The following CCDC148 variants were observed in gnomAD, a reference collection of about 807,000 sequenced individuals.
CCDC148 encodes coiled-coil domain-containing protein 148.
Under a neutral mutation model 85.7 loss-of-function variants are expected in CCDC148, and 89 were observed. The ratio of observed to expected loss-of-function variants is 1.04; its 90% CI spans 0.87 to 1.24. CCDC148 has a LOEUF of 1.24. CCDC148 is among the 50% of genes most tolerant of loss of function. The pLI, the probability that CCDC148 is intolerant of heterozygous loss-of-function variation, is 0.00. For synonymous variants in CCDC148, 230 were observed against 213.9 expected, an observed-to-expected ratio of 1.08 and a Z score of -0.66; for missense variants, 692 against 671.7, an observed-to-expected ratio of 1.03 and a Z score of -0.33.
chr2:158,308,282 C>A (rs1321755657), intron 9 of CCDC148, among the ~76,000 whole-genome samples: 4 of 152,152 alleles, frequency 2.6e-5, no homozygotes, highest in African/African-American at 9.7e-5. Context: ...ATAATGTGTG[C>A]AAAATGAATA....
At chr2:158,269,191 A>G (rs771102531) in intron 9 of CCDC148, among the ~76,000 whole-genome samples, 29 of 152,140 alleles carry the variant, frequency 1.9e-4, no homozygotes, top group Non-Finnish European at 3.4e-4. Flanking sequence ...ACAGTGTAGA[A>G]GAATTCCTTT....
Position 158,250,865 on chromosome 2 carries a change from C to T in CCDC148, c.1158G>A (p.Met386Ile). The T allele has an allele frequency of 6.2e-7, 1 of 1,608,018 alleles. No individual in the cohort carries two copies. Residue 386 changes from methionine to isoleucine, a missense_variant, in exon 10 of 14, where the codon ATG (methionine) becomes ATA (isoleucine). Transcript: ENST00000283233. ...AHQEEVARLE[M>I]EISARRREKE... The stretch of plus-strand genomic sequence containing the variant: ...TTTCTCTTCTTCTGGCAGAAATTTC[C>T]ATTTCCAGTCTTGCTACCTCTTCTT...
At chr2:158,452,333 TG>T (rs1234156771) in intron 1 of CCDC148, among the ~76,000 whole-genome samples, 3 of 152,086 alleles carry the variant, frequency 2.0e-5, no homozygotes, top group Non-Finnish European at 4.4e-5. Context: ...TCTAGTAAGG[TG>T]TGTTATATGC....
intron 2 of CCDC148, among the ~76,000 whole-genome samples, chr2:158,355,178 A>T (rs1373558761): frequency 6.6e-6 from 1 of 151,886 alleles, no homozygotes; most frequent in Non-Finnish European, 1.5e-5. Flanking sequence ...CAAGACAGGG[A>T]TGCCCTCTCT....
chr2:158,382,787 G>A (rs559220698), intron 1 of CCDC148, among the ~76,000 whole-genome samples: 1 of 151,754 alleles, frequency 6.6e-6, no homozygotes, highest in East Asian at 2.0e-4. Flanking sequence ...TGGGCATGGT[G>A]GCAGACGCCT....
At chr2:158,271,202 T>C (rs1294725783) in intron 9 of CCDC148, among the ~76,000 whole-genome samples, 1 of 152,160 alleles carries the variant, frequency 6.6e-6, no homozygotes, top group Non-Finnish European at 1.5e-5. Context: ...GAGGCTTTTA[T>C]ATATACTTTT....
At chr2:158,317,804 T>C (rs1692347894) in intron 7 of CCDC148, among the ~76,000 whole-genome samples, 1 of 152,210 alleles carries the variant, frequency 6.6e-6, no homozygotes, top group Non-Finnish European at 1.5e-5. Context: ...TGAAAGCTGT[T>C]TTATGTTTTC....
chr2:158,300,239 T>C (rs1691378496), intron 9 of CCDC148, among the ~76,000 whole-genome samples: 1 of 152,172 alleles, frequency 6.6e-6, no homozygotes, highest in Non-Finnish European at 1.5e-5. Context: ...CAGGAGGTAT[T>C]GAGAAGAAGG....
chr2:158,234,482 AG>A (rs1165967398), intron 10 of CCDC148, among the ~76,000 whole-genome samples: 14 of 152,296 alleles, frequency 9.2e-5, no homozygotes, highest in Admixed American at 6.5e-4. Context: ...CTTTTTCTGA[AG>A]AATAAATTTT....
intron 9 of CCDC148, among the ~76,000 whole-genome samples, chr2:158,281,872 T>C (rs1489564433): frequency 6.6e-6 from 1 of 151,854 alleles, no homozygotes; most frequent in African/African-American, 2.4e-5. Flanking sequence ...GATGCAAAAA[T>C]CCTCAATAAA....
chr2:158,175,916 T>A (rs1359746612), intron 13 of CCDC148, among the ~76,000 whole-genome samples: 1 of 152,002 alleles, frequency 6.6e-6, no homozygotes, highest in African/African-American at 2.4e-5. Flanking sequence ...CTACCTTCCA[T>A]CCCTCAATCC....
intron 12 of CCDC148, 145 bp from the exon 13 acceptor site, chr2:158,176,806 G>T (rs1486748306): frequency 8.1e-6 from 7 of 864,694 alleles, no homozygotes; most frequent in Non-Finnish European, 7.1e-6. Flanking sequence ...AATATTAATT[G>T]GTCAGTCCTA....
At chr2:158,416,937 AG>A (rs1279862792) in intron 1 of CCDC148, among the ~76,000 whole-genome samples, 1 of 152,194 alleles carries the variant, frequency 6.6e-6, no homozygotes, top group Non-Finnish European at 1.5e-5. Context: ...AAACATGGCT[AG>A]GAAGGCCTTA....
At chr2:158,443,018 G>A (rs1056709452) in intron 1 of CCDC148, among the ~76,000 whole-genome samples, 1 of 151,616 alleles carries the variant, frequency 6.6e-6, no homozygotes, top group African/African-American at 2.4e-5. Context: ...AGGCATAGAA[G>A]AAGATCAGTC....
chr2:158,275,511 A>G (rs771676232), intron 9 of CCDC148, among the ~76,000 whole-genome samples: 7 of 152,188 alleles, frequency 4.6e-5, no homozygotes, highest in Non-Finnish European at 1.0e-4. Context: ...TTTTGATATT[A>G]GCACTTCTCT....
intron 1 of CCDC148, among the ~76,000 whole-genome samples, chr2:158,432,208 A>G (rs1687385833): frequency 6.6e-6 from 1 of 151,674 alleles, no homozygotes; most frequent in Non-Finnish European, 1.5e-5. Context: ...AAAAAGGCAA[A>G]GAAAATTAAA....
At chr2:158,255,643 T>C (rs544785844) in intron 9 of CCDC148, among the ~76,000 whole-genome samples, 1 of 151,720 alleles carries the variant, frequency 6.6e-6, no homozygotes, top group Non-Finnish European at 1.5e-5. Flanking sequence ...GAGTGAACAG[T>C]GAGCAAAAGG....
At chr2:158,232,071 A>T (rs1574456332) in intron 10 of CCDC148, among the ~76,000 whole-genome samples, 1 of 127,604 alleles carries the variant, frequency 7.8e-6, no homozygotes, top group East Asian at 3.1e-4. Flanking sequence ...AAGAATCAGA[A>T]AGTCAGCATA....
intron 7 of CCDC148, among the ~76,000 whole-genome samples, chr2:158,327,035 G>A (rs1386691039): frequency 6.6e-6 from 1 of 152,066 alleles, no homozygotes; most frequent in Non-Finnish European, 1.5e-5. Flanking sequence ...TTCTGTGTAT[G>A]TACAATAATC....
Sources: allele counts gnomAD v4.1 joint callset (sites outside exome capture counted in the v4.1 genomes callset), GRCh38; gene constraint gnomAD v4.1.1; transcripts MANE v1.5; gene names NCBI Gene and HGNC (gene_info 2026-07-23, HGNC 2026-07-21).